Variants in GRM8 observed in about 807,000 individuals in gnomAD.
GRM8 encodes the protein metabotropic glutamate receptor 8.
A neutral mutation model predicts 87.2 loss-of-function variants in GRM8; 47 were observed. That is an observed-to-expected ratio of 0.54 (90% CI 0.43 to 0.69). GRM8 has a LOEUF of 0.69. Among genes scored for constraint, GRM8 ranks in the 30% least tolerant of loss-of-function variants. The probability of loss-of-function intolerance (pLI) is 0.00; values close to 1 mark genes in which losing one functional copy is unlikely to be tolerated. For synonymous variants in GRM8, 396 were observed against 404.5 expected, an observed-to-expected ratio of 0.98 and a Z score of 0.25; for missense variants, 1,019 against 1,139.2, an observed-to-expected ratio of 0.89 and a Z score of 1.52.
rs549249551 is a variant in GRM8, at chr7:126,481,836, A to G, written c.2431-35464T>C. ...ATTTGTTTTGATCATTTTACTTACC[A>G]TAGTTATATGCAATGTTCATATTAG... On this transcript the variant is annotated intron_variant, in intron 9 of 10. Coordinates refer to ENST00000339582, the MANE Select transcript of GRM8 (RefSeq NM_000845.3). Among the ~76,000 whole-genome samples, 4 of 152,180 alleles carry G rather than the reference A, an allele frequency of 2.6e-5. No individual in the cohort carries two copies. In the East Asian group the frequency reaches 5.8e-4, roughly 22 times the overall value.
chr7:127,195,507 T>C (rs927073278), intron 2 of GRM8, among the ~76,000 whole-genome samples: 1 of 152,222 alleles, frequency 6.6e-6, no homozygotes, highest in African/African-American at 2.4e-5. Flanking sequence ...TCAGGCCTTT[T>C]AGATTCAGCA....
At chr7:126,848,565 T>C (rs981760842) in intron 6 of GRM8, among the ~76,000 whole-genome samples, 4 of 152,146 alleles carry the variant, frequency 2.6e-5, no homozygotes, top group Non-Finnish European at 5.9e-5. Flanking sequence ...CTCACACCTG[T>C]AATCCCAGCA....
chr7:127,194,085 G>A (rs1180978473), intron 2 of GRM8, among the ~76,000 whole-genome samples: 1 of 152,158 alleles, frequency 6.6e-6, no homozygotes, highest in Non-Finnish European at 1.5e-5. Context: ...TCCAATGACT[G>A]AGTCCAAAGA....
chr7:127,042,089 A>G (rs1818480731), intron 3 of GRM8, among the ~76,000 whole-genome samples: 1 of 152,194 alleles, frequency 6.6e-6, no homozygotes, highest in African/African-American at 2.4e-5. Flanking sequence ...ATACTTTTAC[A>G]TCTTTCTGAG....
chr7:127,041,973 G>A (rs945721975), intron 3 of GRM8, among the ~76,000 whole-genome samples: 3 of 152,120 alleles, frequency 2.0e-5, no homozygotes, highest in African/African-American at 7.2e-5. Context: ...CAGGAGTCTT[G>A]GCTGATGTTT....
chr7:126,546,338 T>TGC (rs1474280371), intron 8 of GRM8, among the ~76,000 whole-genome samples: 2 of 152,174 alleles, frequency 1.3e-5, no homozygotes. Flanking sequence ...CTGAATCACA[T>TGC]TTTACTGTCT....
chr7:126,741,645 C>T (rs569243601), intron 7 of GRM8, among the ~76,000 whole-genome samples: 10 of 151,974 alleles, frequency 6.6e-5, no homozygotes, highest in Non-Finnish European at 1.0e-4. Context: ...TGAGGAGCAC[C>T]ACAAATAGAG....
chr7:126,789,583 C>G (rs570495937), intron 6 of GRM8, among the ~76,000 whole-genome samples: 1 of 152,216 alleles, frequency 6.6e-6, no homozygotes, highest in African/African-American at 2.4e-5. Flanking sequence ...ACAAATAACA[C>G]AGGTTTAAAA....
intron 6 of GRM8, among the ~76,000 whole-genome samples, chr7:126,857,514 A>T (rs561044179): frequency 6.6e-6 from 1 of 152,264 alleles, no homozygotes; most frequent in African/African-American, 2.4e-5. Flanking sequence ...CACCTTAATA[A>T]AAAAAGAAAA....
In GRM8 at chr7:126,537,075, A is replaced by G. The variant is rs566446042; in HGVS notation, c.1495-3188T>C. 9.1e-4 allele frequency among the ~76,000 whole-genome samples: 138 copies of G among 152,274 alleles called. 2 individuals are homozygous for G. The highest frequency in any genetic ancestry group is 1.3e-4 in the Non-Finnish European group (9 of 68,002). On this transcript the variant is annotated intron_variant, in intron 8 of 10. Coordinates refer to ENST00000339582, the MANE Select transcript of GRM8 (RefSeq NM_000845.3). ...GCTAAATGTGAAATTTTCCTTGACA[A>G]TTTTTTAATGTTTTGAACCAATGAA...
chr7:126,474,015 A>G (rs961943561), intron 9 of GRM8, among the ~76,000 whole-genome samples: 12 of 152,128 alleles, frequency 7.9e-5, no homozygotes, highest in Non-Finnish European at 1.5e-4. Flanking sequence ...ATATTTCTTC[A>G]TAGCACTATG....
At chr7:126,663,018 C>G (rs570788846) in intron 7 of GRM8, among the ~76,000 whole-genome samples, 30 of 152,202 alleles carry the variant, frequency 2.0e-4, no homozygotes, top group Non-Finnish European at 4.1e-4. Flanking sequence ...TTATGGGCGA[C>G]CACATGTCCT....
At chr7:127,081,232 T>C (rs541301518) in intron 3 of GRM8, among the ~76,000 whole-genome samples, 2 of 152,162 alleles carry the variant, frequency 1.3e-5, no homozygotes, top group Non-Finnish European at 2.9e-5. Context: ...GAACTCCATG[T>C]ATCCTGTGCC....
intron 8 of GRM8, among the ~76,000 whole-genome samples, chr7:126,567,109 C>A (rs4731315): frequency 2.8e-4 from 42 of 152,090 alleles, no homozygotes; most frequent in African/African-American, 9.9e-4. Context: ...TGAGAAATTA[C>A]TCATCAACAT....
At chr7:127,092,524 T>C (rs556382052) in intron 3 of GRM8, among the ~76,000 whole-genome samples, 3 of 152,272 alleles carry the variant, frequency 2.0e-5, no homozygotes, top group East Asian at 1.9e-4. Context: ...GGTGAAATCT[T>C]GTCTCTACTA....
intron 2 of GRM8, among the ~76,000 whole-genome samples, chr7:127,197,304 T>C (rs1307192574): frequency 2.0e-5 from 3 of 152,180 alleles, no homozygotes; most frequent in African/African-American, 7.2e-5. Flanking sequence ...TTTAAGAAGA[T>C]ACTTCACAAA....
At chr7:126,723,861 G>A (rs1426104692) in intron 7 of GRM8, among the ~76,000 whole-genome samples, 1 of 152,182 alleles carries the variant, frequency 6.6e-6, no homozygotes, top group East Asian at 1.9e-4. Flanking sequence ...TTAGGTCAAG[G>A]TAAAAAACAC....
chr7:126,559,819 G>A (rs1376133251), intron 8 of GRM8, among the ~76,000 whole-genome samples: 4 of 151,996 alleles, frequency 2.6e-5, no homozygotes, highest in East Asian at 1.9e-4. Flanking sequence ...TTGTAGGCTC[G>A]ATGTAAGAAT....
intron 2 of GRM8, among the ~76,000 whole-genome samples, chr7:127,179,089 C>T (rs1794286273): frequency 1.3e-5 from 2 of 152,106 alleles, no homozygotes; most frequent in Admixed American, 6.6e-5. Context: ...AAGAACTCAC[C>T]AATCATCTGC....
Sources: allele counts gnomAD v4.1 joint callset (sites outside exome capture counted in the v4.1 genomes callset), GRCh38; gene constraint gnomAD v4.1.1; transcripts MANE v1.5; gene names NCBI Gene and HGNC (gene_info 2026-07-23, HGNC 2026-07-21).